RNF157: variants seen among roughly 807,000 people sequenced by gnomAD.
RNF157 encodes E3 ubiquitin ligase RNF157.
A neutral mutation model predicts 88.3 loss-of-function variants in RNF157; 55 were observed. That is an observed-to-expected ratio of 0.62 (90% CI 0.50 to 0.78). The LOEUF (loss-of-function observed/expected upper bound fraction) is 0.78, where lower values mean the gene tolerates loss of function less well. Ranked by LOEUF, RNF157 falls within the 30% of genes least tolerant of loss-of-function variation. The pLI is 0.00. For missense variants in RNF157, 788 were observed against 860.8 expected, an observed-to-expected ratio of 0.92 and a Z score of 1.06; for synonymous variants, 334 against 341.2, an observed-to-expected ratio of 0.98 and a Z score of 0.23.
chr17:76,222,949 G>C (rs1416896819), intron 1 of RNF157, among the ~76,000 whole-genome samples: 1 of 151,606 alleles, frequency 6.6e-6, no homozygotes, highest in Admixed American at 6.6e-5. Flanking sequence ...GGAGTGCAGA[G>C]GCCCGATCCT....
At chr17:76,222,907 T>C (rs1482753513) in intron 1 of RNF157, among the ~76,000 whole-genome samples, 1 of 152,080 alleles carries the variant, frequency 6.6e-6, no homozygotes, top group Non-Finnish European at 1.5e-5. Context: ...TTTTTTTTTT[T>C]TGAGACAGAG....
chr17:76,220,239 G>T (rs180837885), intron 1 of RNF157, among the ~76,000 whole-genome samples: 13 of 151,938 alleles, frequency 8.6e-5, no homozygotes, highest in Admixed American at 2.6e-4. Context: ...TAACAAGGAC[G>T]CTCTCTAAAC....
intron 2 of RNF157, among the ~76,000 whole-genome samples, chr17:76,191,400 C>G (rs955688047): frequency 6.6e-6 from 1 of 151,968 alleles, no homozygotes; most frequent in African/African-American, 2.4e-5. Context: ...ATCATGAGGT[C>G]AGGAGTTTAA....
At position 76,176,827 on chromosome 17, in the gene RNF157, TCAGGGGCC is replaced by T. The variant is rs1415362182; in HGVS notation, c.208-3045_208-3038del. On this transcript the variant is annotated intron_variant, in intron 2 of 18. Transcript: ENST00000269391. The surrounding 1 kb of genome is among the most constrained non-coding windows in gnomAD (Gnocchi z 4.2). ...CTGGGCGCGGAGCTGGGGCCATGCT[TCAGGGGCC>T]CCGGGCAGGAAGTGGGAGCAGCTTC... Among the ~76,000 whole-genome samples the T allele has an allele frequency of 6.6e-6, 1 of 152,044 alleles. No homozygotes were observed. The highest frequency in any genetic ancestry group is 2.4e-5 in the African/African-American group (1 of 41,356).
At position 76,167,118 on chromosome 17, in the gene RNF157, G is replaced by A. The variant is rs1362917626; in HGVS notation, c.452C>T (p.Pro151Leu). The A allele has an allele frequency of 3.1e-6, 5 of 1,611,832 alleles. No homozygotes were observed. Among genetic ancestry groups the A allele is most frequent in the Non-Finnish European group, 2.5e-6 (3 of 1,179,322 alleles). ...CTCCGACTGGAGGCTGTTGTCTTTG[G>A]GAATGTAGCTATTGATACAAGTGGG... ...EFQNGIASYIPKDNSLQSETV... is the reference protein window; with the variant it reads ...EFQNGIASYILKDNSLQSETV... The change falls in exon 5 of 19, where the codon CCC (proline) becomes CTC (leucine). Residue 151 changes from proline to leucine, a missense_variant. Transcript: ENST00000269391.
At chr17:76,201,343 G>GA (rs2069574662) in intron 2 of RNF157, among the ~76,000 whole-genome samples, 1 of 145,408 alleles carries the variant, frequency 6.9e-6, no homozygotes, top group African/African-American at 2.6e-5. Flanking sequence ...AAAAAAAAGA[G>GA]AAAAAGAAAA....
At chr17:76,216,209 A>C (rs2069885292) in intron 1 of RNF157, among the ~76,000 whole-genome samples, 1 of 152,174 alleles carries the variant, frequency 6.6e-6, no homozygotes, top group African/African-American at 2.4e-5. Context: ...GTGTGGGACC[A>C]CTGAGTTTCC....
chr17:76,162,724 C>T (rs1016659828), intron 8 of RNF157, 101 bp from the exon 9 acceptor site: 47 of 686,700 alleles, frequency 6.8e-5, no homozygotes, highest in Middle Eastern at 2.5e-4. Flanking sequence ...CAAGGACTAC[C>T]GATTCATAAT....
At chr17:76,190,646 G>A (rs1410012533) in intron 2 of RNF157, among the ~76,000 whole-genome samples, 3 of 150,958 alleles carry the variant, frequency 2.0e-5, no homozygotes, top group Admixed American at 6.6e-5. Flanking sequence ...ACGGCCGGGC[G>A]TGATGGCTCA....
At chr17:76,175,113 T>C (rs2069083423) in intron 2 of RNF157, among the ~76,000 whole-genome samples, 1 of 152,228 alleles carries the variant, frequency 6.6e-6, no homozygotes, top group East Asian at 1.9e-4. Flanking sequence ...TCTATATCTA[T>C]GTGCTGTTTC....
intron 2 of RNF157, among the ~76,000 whole-genome samples, chr17:76,196,930 A>AC (rs1418045941): frequency 4.6e-5 from 7 of 152,154 alleles, no homozygotes; most frequent in African/African-American, 1.7e-4. Flanking sequence ...CTTGGCCAAG[A>AC]CCGCACTCAT....
At chr17:76,239,095 CA>C (rs1289424195) in intron 1 of RNF157, among the ~76,000 whole-genome samples, 1 of 152,216 alleles carries the variant, frequency 6.6e-6, no homozygotes, top group African/African-American at 2.4e-5. Flanking sequence ...CCAATTCTGA[CA>C]CCTCATTCCG....
intron 2 of RNF157, among the ~76,000 whole-genome samples, chr17:76,185,196 T>A (rs1456437979): frequency 6.6e-6 from 1 of 152,160 alleles, no homozygotes; most frequent in African/African-American, 2.4e-5. Context: ...GTGAACTGCT[T>A]AGATGACAAA....
chr17:76,173,669 C>T (rs1222015253), intron 3 of RNF157, 33 bp downstream of exon 3: 3 of 1,522,184 alleles, frequency 2.0e-6, no homozygotes, highest in Admixed American at 1.8e-5. Flanking sequence ...AAGGAAGGTG[C>T]CTGGGACCTG....
At chr17:76,156,584 T>C (rs2068768766) in intron 13 of RNF157, 1 of 950,776 alleles carries the variant, frequency 1.1e-6, no homozygotes, top group Admixed American at 6.2e-5. Flanking sequence ...ATACAAAGAC[T>C]GCAGCTCGGG....
intron 2 of RNF157, among the ~76,000 whole-genome samples, chr17:76,200,646 G>T (rs1426569809): frequency 6.6e-6 from 1 of 152,156 alleles, no homozygotes; most frequent in Non-Finnish European, 1.5e-5. Context: ...ACTGTACAAC[G>T]ATGTGTGATG....
chr17:76,225,487 G>A (rs1232901674), intron 1 of RNF157, among the ~76,000 whole-genome samples: 1 of 151,952 alleles, frequency 6.6e-6, no homozygotes, highest in Non-Finnish European at 1.5e-5. Flanking sequence ...AATATGTCCA[G>A]GTCTTCCTGT....
At chr17:76,206,753 A>C (rs2069688175) in intron 2 of RNF157, among the ~76,000 whole-genome samples, 1 of 152,140 alleles carries the variant, frequency 6.6e-6, no homozygotes, top group Non-Finnish European at 1.5e-5. Flanking sequence ...CAGCCTGGGC[A>C]ACAAGAGTGA....
At position 76,195,742 on chromosome 17, in the gene RNF157, G is replaced by A. The variant is rs1039161126; in HGVS notation, c.207+16622C>T. On this transcript the variant is annotated intron_variant, in intron 2 of 18. Transcript: ENST00000269391. The surrounding 1 kb of genome is among the most constrained non-coding windows in gnomAD (Gnocchi z 4.4). ...AGTTTGTTCCTTCTCGTTGCTGTAC[G>A]CCATTGAGGTAGGATGTAGGACTTG... 3.2e-4 allele frequency among the ~76,000 whole-genome samples: 49 copies of A among 152,276 alleles called. No homozygotes were observed. The highest frequency in any genetic ancestry group is 1.1e-3 in the African/African-American group (44 of 41,542).
Sources: allele counts gnomAD v4.1 joint callset (sites outside exome capture counted in the v4.1 genomes callset), GRCh38; gene constraint gnomAD v4.1.1; non-coding constraint Gnocchi (gnomAD v3.1); transcripts MANE v1.5; gene names NCBI Gene and HGNC (gene_info 2026-07-23, HGNC 2026-07-21).